EYA1: variants seen among roughly 807,000 people sequenced by gnomAD.
The protein encoded by EYA1 is EYA transcriptional coactivator and phosphatase 1, also known as protein phosphatase EYA1.
EYA1 carries 16 observed loss-of-function variants against 82.0 expected under a neutral mutation model. That is an observed-to-expected ratio of 0.20 (90% CI 0.13 to 0.30). EYA1 has a LOEUF of 0.30. Ranked by LOEUF, EYA1 falls within the 10% of genes least tolerant of loss-of-function variation. The pLI, the probability that EYA1 is intolerant of heterozygous loss-of-function variation, is 1.00. For synonymous variants in EYA1, 261 were observed against 264.4 expected (o/e 0.99, Z 0.12); for missense variants, 633 against 730.7 (o/e 0.87, Z 1.54).
intron 2 of EYA1, among the ~76,000 whole-genome samples, chr8:71,524,518 A>G (rs1484571238): frequency 1.3e-5 from 2 of 152,244 alleles, no homozygotes; most frequent in African/African-American, 4.8e-5. Context: ...TTATTCTTGA[A>G]AAACATCCCT....
intron 2 of EYA1, among the ~76,000 whole-genome samples, chr8:71,478,338 A>C (rs1330378020): frequency 6.6e-6 from 1 of 152,154 alleles, no homozygotes; most frequent in African/African-American, 2.4e-5. Context: ...GTTTGGTATA[A>C]ATGTACCCAT....
At position 71,361,938 on chromosome 8, in the gene EYA1, G is replaced by C; in HGVS notation, c.-346C>G. 1.0e-6 allele frequency: 1 copy of C among 985,462 alleles called. No individual in the cohort carries two copies. The highest frequency in any genetic ancestry group is 1.2e-6 in the Non-Finnish European group (1 of 829,958). 61.0% of individuals were successfully genotyped at this position (985,462 alleles called of 1,614,324 possible). ...GTGGACGGCAACAGGAAGGCTTAAA[G>C]TCGGAAGTGGCACTGGAGAGTTTCT... On this transcript the variant is annotated 5_prime_UTR_variant, in exon 1 of 18. Transcript: ENST00000340726.
chr8:71,208,383 G>C (rs1044732991), intron 17 of EYA1, among the ~76,000 whole-genome samples: 1 of 152,124 alleles, frequency 6.6e-6, no homozygotes, highest in Admixed American at 6.5e-5. Context: ...AGTGAGCCGA[G>C]ATCGCGCTAC....
At chr8:71,374,686 T>C (rs755978846) in intron 2 of EYA1, among the ~76,000 whole-genome samples, 2 of 152,174 alleles carry the variant, frequency 1.3e-5, no homozygotes, top group Non-Finnish European at 2.9e-5. Flanking sequence ...ATTACCACCT[T>C]GTAGAGATAT....
intron 10 of EYA1, among the ~76,000 whole-genome samples, chr8:71,270,441 T>C (rs896695512): frequency 3.9e-5 from 6 of 152,214 alleles, no homozygotes; most frequent in African/African-American, 1.4e-4. Context: ...CTCTTAGACA[T>C]ACTCTTGAAG....
At chr8:71,329,549 A>G (rs995073114) in intron 4 of EYA1, among the ~76,000 whole-genome samples, 1 of 152,124 alleles carries the variant, frequency 6.6e-6, no homozygotes, top group Non-Finnish European at 1.5e-5. Flanking sequence ...AGCATCCACT[A>G]CATCAATTTC....
intron 11 of EYA1, among the ~76,000 whole-genome samples, chr8:71,260,551 A>T (rs1814973095): frequency 6.6e-6 from 1 of 152,232 alleles, no homozygotes; most frequent in South Asian, 2.1e-4. Flanking sequence ...TATTATCTTT[A>T]AAAAAGTGCT....
chr8:71,446,430 G>GC (rs74789792), intron 2 of EYA1, among the ~76,000 whole-genome samples: 11,899 of 151,984 alleles, frequency 0.078, 593 homozygotes, highest in East Asian at 0.21. Flanking sequence ...GTTTCCTGAG[G>GC]CCCCCCAAGC....
At chr8:71,451,501 G>T (rs899071392) in intron 2 of EYA1, among the ~76,000 whole-genome samples, 6 of 152,050 alleles carry the variant, frequency 3.9e-5, no homozygotes, top group Admixed American at 1.3e-4. Flanking sequence ...AGAAATATAT[G>T]AAATATATGA....
chr8:71,488,165 T>A (rs911250050), intron 2 of EYA1, among the ~76,000 whole-genome samples: 2 of 151,532 alleles, frequency 1.3e-5, no homozygotes, highest in African/African-American at 2.4e-5. Context: ...CAATGATACA[T>A]CAATGATATA....
At chr8:71,386,417 G>A (rs1828967981) in intron 2 of EYA1, among the ~76,000 whole-genome samples, 1 of 152,082 alleles carries the variant, frequency 6.6e-6, no homozygotes, top group South Asian at 2.1e-4. Flanking sequence ...GCTCTTCCAA[G>A]GTTTTGAAAA....
At chr8:71,239,388 TC>T (rs1812208016) in intron 12 of EYA1, among the ~76,000 whole-genome samples, 1 of 152,118 alleles carries the variant, frequency 6.6e-6, no homozygotes, top group African/African-American at 2.4e-5. Flanking sequence ...GAAACAAAAA[TC>T]GGTATTCTAG....
At chr8:71,281,366 G>T (rs1817799315) in intron 9 of EYA1, among the ~76,000 whole-genome samples, 1 of 152,068 alleles carries the variant, frequency 6.6e-6, no homozygotes. Context: ...CCTACAGCAG[G>T]GATTTGTGGT....
chr8:71,211,805 A>G (rs1274995145), intron 16 of EYA1, among the ~76,000 whole-genome samples: 1 of 152,222 alleles, frequency 6.6e-6, no homozygotes, highest in Non-Finnish European at 1.5e-5. Context: ...AGGTTGAATT[A>G]AAGACCCTGA....
At chr8:71,381,782 C>T (rs542533246) in intron 2 of EYA1, among the ~76,000 whole-genome samples, 147 of 152,330 alleles carry the variant, frequency 9.7e-4, no homozygotes, top group African/African-American at 3.4e-3. Flanking sequence ...CCTCCCACCC[C>T]TACACACACT....
intron 2 of EYA1, among the ~76,000 whole-genome samples, chr8:71,425,869 T>C (rs546892951): frequency 1.3e-5 from 2 of 152,194 alleles, no homozygotes; most frequent in African/African-American, 4.8e-5. Flanking sequence ...CTGCCAACAA[T>C]GGGGAAAGAA....
intron 2 of EYA1, among the ~76,000 whole-genome samples, chr8:71,442,712 CTA>C (rs1250366314): frequency 6.6e-6 from 1 of 152,160 alleles, no homozygotes; most frequent in Non-Finnish European, 1.5e-5. Context: ...TATAATACCA[CTA>C]TGTGTTGATG....
chr8:71,364,865 G>T (rs374348666), upstream of EYA1, among the ~76,000 whole-genome samples: 65 of 148,176 alleles, frequency 4.4e-4, no homozygotes, highest in South Asian at 0.013. Flanking sequence ...CTGGTTATAT[G>T]AAGGAAGTCT....
chr8:71,364,637 A>G (rs1433370792), upstream of EYA1, among the ~76,000 whole-genome samples: 3 of 152,076 alleles, frequency 2.0e-5, no homozygotes, highest in Non-Finnish European at 2.9e-5. Context: ...TTGCCATGTA[A>G]ATCTCAATAC....
Sources: allele counts gnomAD v4.1 joint callset (sites outside exome capture counted in the v4.1 genomes callset), GRCh38; gene constraint gnomAD v4.1.1; transcripts MANE v1.5; gene names NCBI Gene and HGNC (gene_info 2026-07-23, HGNC 2026-07-21).